Variants in GPR158 observed in about 807,000 individuals in gnomAD.
GPR158 encodes the protein G protein-coupled receptor 158, also known as metabotropic glycine receptor.
Under a neutral mutation model 78.2 loss-of-function variants are expected in GPR158, and 30 were observed. The ratio of observed to expected loss-of-function variants is 0.38; its 90% confidence interval spans 0.29 to 0.52. GPR158 has a LOEUF of 0.52. Ranked by LOEUF, GPR158 falls within the 20% of genes least tolerant of loss-of-function variation. GPR158 has a pLI of 0.83. For missense variants in GPR158, 1,463 were observed against 1,523.5 expected, an observed-to-expected ratio of 0.96 and a Z score of 0.66; for synonymous variants, 581 against 591.1, an observed-to-expected ratio of 0.98 and a Z score of 0.25.
chr10:25,211,359 A>G (rs1853127660), intron 1 of GPR158, among the ~76,000 whole-genome samples: 2 of 152,192 alleles, frequency 1.3e-5, no homozygotes, highest in African/African-American at 4.8e-5. Flanking sequence ...ACAATTCCGG[A>G]GGCCAGGAAG....
At chr10:25,552,841 C>T (rs952744810) in intron 6 of GPR158, among the ~76,000 whole-genome samples, 6 of 152,148 alleles carry the variant, frequency 3.9e-5, no homozygotes, top group African/African-American at 1.4e-4. Flanking sequence ...ATGTGAAACC[C>T]GATGTTCAGT....
intron 2 of GPR158, among the ~76,000 whole-genome samples, chr10:25,378,209 A>G (rs991017716): frequency 6.6e-6 from 1 of 152,156 alleles, no homozygotes; most frequent in African/African-American, 2.4e-5. Flanking sequence ...GCAAAATTCA[A>G]TTTTGCTCTT....
At chr10:25,274,785 T>G (rs550570110) in intron 2 of GPR158, among the ~76,000 whole-genome samples, 1 of 152,298 alleles carries the variant, frequency 6.6e-6, no homozygotes, top group South Asian at 2.1e-4. Context: ...AACTGAACTA[T>G]TTTTGTTGTG....
intron 2 of GPR158, among the ~76,000 whole-genome samples, chr10:25,242,580 T>G (rs571552520): frequency 1.4e-4 from 21 of 152,356 alleles, no homozygotes; most frequent in Middle Eastern, 6.8e-3. Context: ...TGTGGGTGAC[T>G]TTTGGATAAG....
chr10:25,247,069 C>T (rs1299499440), intron 2 of GPR158, among the ~76,000 whole-genome samples: 1 of 152,094 alleles, frequency 6.6e-6, no homozygotes, highest in African/African-American at 2.4e-5. Context: ...ACAGTTGTAC[C>T]AGAAAGATCC....
rs977344212 is a variant in GPR158, at chr10:25,380,139, C to G, written c.1009-15772C>G. Among the ~76,000 whole-genome samples the G allele has an allele frequency of 4.6e-5, 7 of 152,138 alleles. No individual in the cohort carries two copies. The East Asian group carries it at 1.4e-3, about 29-fold the overall frequency. On this transcript the variant is annotated intron_variant, in intron 2 of 10. Transcript: ENST00000376351. ...GCACCTACTATGTGTCATGCTTGTG[C>G]TAGGATTTGGGAACATTGCAGTGAA... is the stretch of plus-strand genomic sequence containing the variant.
intron 2 of GPR158, among the ~76,000 whole-genome samples, chr10:25,248,495 G>C (rs1185960699): frequency 1.3e-5 from 2 of 149,792 alleles, no homozygotes; most frequent in African/African-American, 4.9e-5. Flanking sequence ...TTTTGTATAA[G>C]GTGTAAGGAA....
At chr10:25,280,726 T>C (rs1192068410) in intron 2 of GPR158, among the ~76,000 whole-genome samples, 1 of 152,194 alleles carries the variant, frequency 6.6e-6, no homozygotes, top group Non-Finnish European at 1.5e-5. Flanking sequence ...TATGTATGTA[T>C]GTATGTATGT....
At chr10:25,429,177 C>A (rs912439063) in intron 4 of GPR158, among the ~76,000 whole-genome samples, 28 of 152,122 alleles carry the variant, frequency 1.8e-4, no homozygotes, top group African/African-American at 5.8e-4. Flanking sequence ...GAATTTTGAA[C>A]TTGAGATAGT....
In GPR158 at chr10:25,599,481, C is replaced by T. The variant is rs1837463395; in HGVS notation, c.*207C>T. 2 of 551,366 alleles carry T rather than the reference C, an allele frequency of 3.6e-6. No homozygotes were observed. Among genetic ancestry groups the T allele is most frequent in the African/African-American group, 3.8e-5 (2 of 52,988 alleles). 34.2% of individuals were successfully genotyped at this position (551,366 alleles called of 1,614,324 possible). On this transcript the variant is annotated 3_prime_UTR_variant, in exon 11 of 11. Coordinates refer to ENST00000376351, the MANE Select transcript of GPR158 (RefSeq NM_020752.3). The stretch of plus-strand genomic sequence containing the variant: ...GAAGTCAGACTTTGGTCAAGAAAGT[C>T]CTTCCCTTGGTAACACTAGGAAAAT...
Position 25,398,394 on chromosome 10 carries a change from G to T in GPR158, c.1111+2381G>T, listed in dbSNP as rs562946428. The stretch of plus-strand genomic sequence containing the variant: ...CTACTCTGGCATTTTTCACGTTTAT[G>T]GTCCAGACATAACATATGATTCAAC... On this transcript the variant is annotated intron_variant, in intron 3 of 10. Coordinates refer to ENST00000376351, the MANE Select transcript of GPR158 (RefSeq NM_020752.3). Among the ~76,000 whole-genome samples, 3 of 152,146 alleles carry T rather than the reference G, an allele frequency of 2.0e-5. No individual in the cohort carries two copies. The East Asian group carries it at 5.8e-4, about 29-fold the overall frequency.
In GPR158 at chr10:25,241,374, C is replaced by CGTT. The variant is rs1564399799; in HGVS notation, c.1008+20217_1008+20218insGTT. On this transcript the variant is annotated intron_variant, in intron 2 of 10. Coordinates refer to ENST00000376351, the MANE Select transcript of GPR158 (RefSeq NM_020752.3). ...TCTTTTCTTTTCTCTTTTCTTTTCT[C>CGTT]TCTTCTCTTCTCTTCTCTTCTCTTC... 7.8e-5 allele frequency among the ~76,000 whole-genome samples: 7 copies of CGTT among 89,706 alleles called. 1 individual carries two copies. The highest frequency in any genetic ancestry group is 3.6e-4 in the African/African-American group (7 of 19,374). 58.9% of individuals were successfully genotyped at this position (89,706 alleles called of 152,430 possible). A position where few individuals can be genotyped will look rare whatever the true frequency, so the allele number is the denominator to read the frequency against.
intron 5 of GPR158, among the ~76,000 whole-genome samples, chr10:25,522,165 G>A (rs1836286239): frequency 6.6e-6 from 1 of 152,322 alleles, no homozygotes; most frequent in East Asian, 1.9e-4. Flanking sequence ...TACTATGTAA[G>A]TTAAGAGTAT....
intron 6 of GPR158, among the ~76,000 whole-genome samples, chr10:25,566,240 C>T (rs906576719): frequency 2.6e-5 from 4 of 152,086 alleles, no homozygotes; most frequent in Admixed American, 2.0e-4. Flanking sequence ...AGAGAGGACA[C>T]AGGGAAGCTT....
chr10:25,581,216 C>G (rs1254905442), intron 7 of GPR158, among the ~76,000 whole-genome samples: 1 of 152,154 alleles, frequency 6.6e-6, no homozygotes, highest in African/African-American at 2.4e-5. Flanking sequence ...GCTTGAGCCA[C>G]CGCGCCCGGC....
chr10:25,589,031 G>A lies in GPR158; in HGVS notation c.1778G>A (p.Gly593Asp). ...GCTGAATTTTTATTCCTCTTGTGGG[G>A]TGTTTATCTCTGCTATGCAGTGCGG... ...AVAEFLFLLW[G>D]VYLCYAVRTV... The change falls in exon 8 of 11, where the codon GGT becomes GAT. Residue 593 changes from glycine (G) to aspartate (D), a missense_variant. Gly to Asp is a moderately conservative substitution (Grantham distance 94). Transcript: ENST00000376351. 6.3e-7 allele frequency: 1 copy of A among 1,585,064 alleles called. No individual in the cohort carries two copies. Among genetic ancestry groups the A allele is most frequent in the Non-Finnish European group, 8.6e-7 (1 of 1,159,940 alleles).
intron 5 of GPR158, among the ~76,000 whole-genome samples, chr10:25,547,036 G>T (rs573803147): frequency 5.9e-5 from 9 of 152,250 alleles, no homozygotes; most frequent in African/African-American, 1.9e-4. Context: ...GCCACTGAAA[G>T]GTTCTAAGCA....
At chr10:25,423,121 A>ACGTATATACGTATATACG (rs1834774748) in intron 4 of GPR158, among the ~76,000 whole-genome samples, 1 of 23,112 alleles carries the variant, frequency 4.3e-5, no homozygotes, top group African/African-American at 9.2e-5. Context: ...ACATATATAC[A>ACGTATATACGTATATACG]TATATATGTA....
intron 2 of GPR158, among the ~76,000 whole-genome samples, chr10:25,357,297 G>A (rs1855567499): frequency 6.6e-6 from 1 of 152,108 alleles, no homozygotes; most frequent in Non-Finnish European, 1.5e-5. Flanking sequence ...TCCATTTTCT[G>A]AGGAGAAATT....
Sources: gnomAD v4.1 joint callset for allele counts (sites outside exome capture counted in the v4.1 genomes callset) on GRCh38, gnomAD v4.1.1 for gene constraint, MANE v1.5 for transcripts, NCBI Gene and HGNC (gene_info 2026-07-23, HGNC 2026-07-21) for gene names.